Variants in UBL3 observed in about 807,000 individuals in gnomAD.
UBL3 encodes ubiquitin like 3.
Under a neutral mutation model 18.4 loss-of-function variants are expected in UBL3, and 6 were observed. That is an observed-to-expected ratio of 0.33 (90% CI 0.18 to 0.64). UBL3 has a LOEUF of 0.64. UBL3 is among the 30% of genes least tolerant of loss of function. The pLI, the probability that UBL3 is intolerant of heterozygous loss-of-function variation, is 0.76. For missense variants in UBL3, 109 were observed against 142.9 expected (o/e 0.76, Z 1.21); for synonymous variants, 49 against 46.6 (o/e 1.05, Z -0.21).
intron 2 of UBL3, among the ~76,000 whole-genome samples, chr13:29,775,662 C>T (rs376666082): frequency 5.9e-5 from 9 of 152,160 alleles, no homozygotes; most frequent in East Asian, 1.9e-4. Context: ...GTCACCCAGG[C>T]GGGAGTACAG....
At chr13:29,802,129 C>CCTA (rs1316038659) in intron 1 of UBL3, among the ~76,000 whole-genome samples, 2 of 152,206 alleles carry the variant, frequency 1.3e-5, no homozygotes, top group Non-Finnish European at 2.9e-5. Flanking sequence ...CAACAGCCTA[C>CCTA]CTACTAGCCA....
intron 2 of UBL3, among the ~76,000 whole-genome samples, chr13:29,776,561 C>T (rs1876997480): frequency 6.6e-6 from 1 of 152,012 alleles, no homozygotes. Flanking sequence ...CCATCCCTGG[C>T]TGCATTTTTC....
intron 1 of UBL3, among the ~76,000 whole-genome samples, chr13:29,815,396 T>C (rs1265006387): frequency 1.3e-5 from 2 of 152,170 alleles, no homozygotes; most frequent in Non-Finnish European, 2.9e-5. Flanking sequence ...CTTTGGGAAA[T>C]GACCATGAAT....
chr13:29,790,407 T>C (rs1372678347), intron 1 of UBL3, among the ~76,000 whole-genome samples: 4 of 152,218 alleles, frequency 2.6e-5, no homozygotes, highest in Admixed American at 6.5e-5. Flanking sequence ...AAAGGTTACT[T>C]ATGACCATCT....
At chr13:29,790,163 C>T (rs1480108436) in intron 1 of UBL3, among the ~76,000 whole-genome samples, 1 of 152,060 alleles carries the variant, frequency 6.6e-6, no homozygotes, top group Admixed American at 6.5e-5. Flanking sequence ...AAGTTCCTCA[C>T]TAATATCTGA....
rs927375887 is a variant in UBL3, at chr13:29,850,010, C to T, written c.-472G>A. On this transcript the variant is annotated 5_prime_UTR_variant, in exon 1 of 5. The change creates a new upstream start codon in the 5' untranslated region. Coordinates refer to ENST00000380680, the MANE Select transcript of UBL3 (RefSeq NM_007106.4). Reference sequence around the variant, plus strand: ...GTACACAGATAACTATGTAGCTACACATCGACGCGTGAGCCTTGAGTGGCG... The same window carrying T: ...GTACACAGATAACTATGTAGCTACATATCGACGCGTGAGCCTTGAGTGGCG... 13 of 160,972 alleles carry T rather than the reference C, an allele frequency of 8.1e-5. No individual in the cohort carries two copies. Among genetic ancestry groups the T allele is most frequent in the African/African-American group, 2.9e-4 (12 of 41,680 alleles). 10.0% of individuals were successfully genotyped at this position (160,972 alleles called of 1,614,324 possible).
At chr13:29,826,366 A>C (rs1462148149) in intron 1 of UBL3, among the ~76,000 whole-genome samples, 1 of 151,960 alleles carries the variant, frequency 6.6e-6, no homozygotes, top group East Asian at 1.9e-4. Context: ...TCATTGCCTG[A>C]ATTTCAGAGC....
At chr13:29,794,876 T>C (rs764131416) in intron 1 of UBL3, among the ~76,000 whole-genome samples, 2 of 152,226 alleles carry the variant, frequency 1.3e-5, no homozygotes, top group African/African-American at 2.4e-5. Context: ...AATCATGAAA[T>C]TGGCTATGCA....
chr13:29,806,720 A>T (rs1451731133), intron 1 of UBL3, among the ~76,000 whole-genome samples: 1 of 152,056 alleles, frequency 6.6e-6, no homozygotes, highest in East Asian at 1.9e-4. Context: ...CATTTTCCTC[A>T]CTCCAAAACT....
At chr13:29,782,790 T>G (rs1170131663) in intron 1 of UBL3, among the ~76,000 whole-genome samples, 1 of 152,142 alleles carries the variant, frequency 6.6e-6, no homozygotes, top group African/African-American at 2.4e-5. Context: ...ACTGTGTAAA[T>G]ACATAAGTCT....
At chr13:29,841,870 AAGAT>A (rs1175491300) in intron 1 of UBL3, among the ~76,000 whole-genome samples, 1 of 152,222 alleles carries the variant, frequency 6.6e-6, no homozygotes, top group Admixed American at 6.5e-5. Context: ...TGATATCTGA[AAGAT>A]AGAAGACCAA....
intron 1 of UBL3, among the ~76,000 whole-genome samples, chr13:29,790,652 A>T (rs1392084003): frequency 1.3e-5 from 2 of 152,214 alleles, no homozygotes; most frequent in Non-Finnish European, 2.9e-5. Context: ...GAGATGTGTC[A>T]TGCATGTTAA....
At chr13:29,836,868 G>A (rs936210760) in intron 1 of UBL3, among the ~76,000 whole-genome samples, 1 of 152,224 alleles carries the variant, frequency 6.6e-6, no homozygotes, top group African/African-American at 2.4e-5. Flanking sequence ...AAAAGATGTT[G>A]AAAAGAGGTT....
intron 1 of UBL3, among the ~76,000 whole-genome samples, chr13:29,811,226 T>C (rs1450639826): frequency 2.6e-5 from 4 of 152,146 alleles, no homozygotes; most frequent in African/African-American, 9.7e-5. Context: ...GTACTAGCCC[T>C]GGACTGCCAC....
intron 1 of UBL3, among the ~76,000 whole-genome samples, chr13:29,810,345 A>C (rs946263199): frequency 1.3e-5 from 2 of 152,106 alleles, no homozygotes; most frequent in African/African-American, 4.8e-5. Flanking sequence ...CCAATTCTAG[A>C]AAAGAGAGAG....
chr13:29,777,166 T>C lies in UBL3; in HGVS notation c.125A>G (p.Asn42Ser), dbSNP rs765268734. ...AAAATATCACTCACCCATTGGCCAATTGTCATATACATGCTTTGCAATGTC... is the reference window on the plus strand; with the variant it reads ...AAAATATCACTCACCCATTGGCCAACTGTCATATACATGCTTTGCAATGTC... ...ASDIAKHVYDNWPMDWEEEQV... is the reference protein window; with the variant it reads ...ASDIAKHVYDSWPMDWEEEQV... Residue 42 changes from asparagine (N) to serine (S), a missense_variant, in exon 2 of 5, where the codon AAT becomes AGT. By Grantham distance (46) the Asn-to-Ser change is conservative. Transcript: ENST00000380680. 1.8e-5 allele frequency: 29 copies of C among 1,592,508 alleles called. No homozygotes were observed. The highest frequency in any genetic ancestry group is 8.1e-5 in the African/African-American group (6 of 74,410).
chr13:29,782,616 C>T (rs1565990747), intron 1 of UBL3, among the ~76,000 whole-genome samples: 3 of 152,070 alleles, frequency 2.0e-5, no homozygotes. Context: ...CTGCCTAGTT[C>T]CAGAAAACAT....
intron 1 of UBL3, among the ~76,000 whole-genome samples, chr13:29,819,649 T>C (rs901182821): frequency 2.0e-5 from 3 of 152,242 alleles, no homozygotes; most frequent in African/African-American, 4.8e-5. Context: ...TTTCTTTTTA[T>C]GAGCATTTTT....
chr13:29,789,468 C>T (rs1877428005), intron 1 of UBL3, among the ~76,000 whole-genome samples: 1 of 152,114 alleles, frequency 6.6e-6, no homozygotes, highest in South Asian at 2.1e-4. Flanking sequence ...AGAGCTATAC[C>T]TGTATTATTA....
Sources: gnomAD v4.1 joint callset for allele counts (sites outside exome capture counted in the v4.1 genomes callset) on GRCh38, gnomAD v4.1.1 for gene constraint, MANE v1.5 for transcripts, NCBI Gene and HGNC (gene_info 2026-07-23, HGNC 2026-07-21) for gene names.